Variants in ENOX1 observed in about 807,000 individuals in gnomAD.
The protein encoded by ENOX1 is candidate growth-related and time keeping constitutive hydroquinone (NADH) oxidase.
ENOX1 carries 42 observed loss-of-function variants against 82.5 expected under a neutral mutation model. That is an observed-to-expected ratio of 0.51 (90% CI 0.40 to 0.66). The LOEUF is 0.66. Ranked by LOEUF, ENOX1 falls within the 30% of genes least tolerant of loss-of-function variation. The pLI is 0.00. For synonymous variants in ENOX1, 271 were observed against 282.2 expected, an observed-to-expected ratio of 0.96 and a Z score of 0.40; for missense variants, 608 against 811.6, an observed-to-expected ratio of 0.75 and a Z score of 3.05.
At chr13:43,468,260 C>T (rs748584749) in intron 3 of ENOX1, among the ~76,000 whole-genome samples, 2 of 151,528 alleles carry the variant, frequency 1.3e-5, no homozygotes, top group African/African-American at 4.9e-5. Flanking sequence ...CGGCTCACTG[C>T]AACCTCCGCC....
intron 1 of ENOX1, among the ~76,000 whole-genome samples, chr13:43,767,128 C>A (rs984673718): frequency 6.6e-6 from 1 of 152,098 alleles, no homozygotes; most frequent in African/African-American, 2.4e-5. Context: ...GGAATGAGAA[C>A]CTTGGAGATT....
chr13:43,388,595 A>G (rs991956428), intron 5 of ENOX1, among the ~76,000 whole-genome samples: 1 of 152,182 alleles, frequency 6.6e-6, no homozygotes, highest in South Asian at 2.1e-4. Context: ...GAGTGTATCC[A>G]TTTCACAAAA....
At chr13:43,335,176 A>G (rs2153537260) in intron 9 of ENOX1, among the ~76,000 whole-genome samples, 1 of 152,346 alleles carries the variant, frequency 6.6e-6, no homozygotes, top group East Asian at 1.9e-4. Context: ...ACCTTGCTAT[A>G]GAAGGTGTCT....
intron 3 of ENOX1, among the ~76,000 whole-genome samples, chr13:43,461,680 A>G (rs1471294565): frequency 6.6e-6 from 1 of 152,186 alleles, no homozygotes; most frequent in Non-Finnish European, 1.5e-5. Context: ...ACTGGGTGGA[A>G]TTTTAATTAG....
intron 2 of ENOX1, among the ~76,000 whole-genome samples, chr13:43,594,362 T>A (rs958302379): frequency 1.3e-5 from 2 of 152,214 alleles, no homozygotes; most frequent in Non-Finnish European, 2.9e-5. Flanking sequence ...TTCCTCAAAA[T>A]AGTATCTTCA....
intron 9 of ENOX1, among the ~76,000 whole-genome samples, chr13:43,334,726 A>G (rs1168517898): frequency 6.6e-6 from 1 of 152,206 alleles, no homozygotes; most frequent in Non-Finnish European, 1.5e-5. Flanking sequence ...GTGTCTGGAA[A>G]AAAAGTCCCT....
chr13:43,518,677 TA>T lies in ENOX1; in HGVS notation c.-218-34526del, dbSNP rs200301244. On this transcript the variant is annotated intron_variant, in intron 2 of 16. Coordinates refer to ENST00000690772, the MANE Select transcript of ENOX1 (RefSeq NM_001347969.2). ...AATCTTAAACTCCATTTAACCATTGTAAAAAAAAATACATTTCTAAGTCTTC... is the reference window on the plus strand; with the variant it reads ...AATCTTAAACTCCATTTAACCATTGTAAAAAAAATACATTTCTAAGTCTTC... 1.3e-3 allele frequency among the ~76,000 whole-genome samples: 203 copies of T among 151,296 alleles called. 1 individual carries two copies. Among genetic ancestry groups the T allele is most frequent in the African/African-American group, 4.6e-3 (191 of 41,316 alleles).
intron 1 of ENOX1, among the ~76,000 whole-genome samples, chr13:43,694,406 G>T (rs935251490): frequency 6.6e-6 from 1 of 152,106 alleles, no homozygotes; most frequent in African/African-American, 2.4e-5. Flanking sequence ...CTCTCCTGCT[G>T]AGTTTATGCT....
intron 2 of ENOX1, among the ~76,000 whole-genome samples, chr13:43,620,243 C>G (rs1450740773): frequency 6.6e-6 from 1 of 151,388 alleles, no homozygotes; most frequent in Non-Finnish European, 1.5e-5. Context: ...GTTTCTATTT[C>G]ATTTAATTCT....
chr13:43,349,292 C>A (rs936583492), intron 8 of ENOX1, among the ~76,000 whole-genome samples: 1 of 152,214 alleles, frequency 6.6e-6, no homozygotes, highest in Non-Finnish European at 1.5e-5. Flanking sequence ...GATAATCCCA[C>A]AGAAGCAAGG....
intron 3 of ENOX1, chr13:43,459,105 A>T (rs2057353760): frequency 6.6e-6 from 1 of 152,220 alleles, no homozygotes; most frequent in African/African-American, 2.4e-5. Flanking sequence ...GCAGCATACA[A>T]ATTTTAGAGT....
chr13:43,278,524 G>C (rs1052531021), intron 12 of ENOX1, among the ~76,000 whole-genome samples: 1 of 152,144 alleles, frequency 6.6e-6, no homozygotes, highest in Non-Finnish European at 1.5e-5. Flanking sequence ...AACATTTTTA[G>C]TTGGCAAGTG....
chr13:43,412,810 C>G lies in ENOX1; in HGVS notation c.70+35G>C, dbSNP rs373392282. On this transcript the variant is annotated intron_variant, in intron 4 of 16. Coordinates refer to ENST00000690772, the MANE Select transcript of ENOX1 (RefSeq NM_001347969.2). ...TTTTCCACTAAGAACTCAAAAAATC[C>G]TTGTTTGTGTCCTGTGCTGGCCACT... The G allele has an allele frequency of 1.8e-5, 29 of 1,609,750 alleles. No individual in the cohort carries two copies. The Admixed American group carries it at 3.0e-4, about 17-fold the overall frequency.
chr13:43,227,314 G>A (rs1593427945), intron 15 of ENOX1, among the ~76,000 whole-genome samples: 1 of 152,264 alleles, frequency 6.6e-6, no homozygotes, highest in East Asian at 1.9e-4. Context: ...GCACCCCAAG[G>A]AGCTGTGCTC....
chr13:43,560,985 T>C (rs1018198444), intron 2 of ENOX1, among the ~76,000 whole-genome samples: 11 of 152,210 alleles, frequency 7.2e-5, no homozygotes, highest in Non-Finnish European at 1.5e-4. Flanking sequence ...TAAAAGACAG[T>C]AATCAAAATT....
At chr13:43,441,969 T>C (rs961917641) in intron 3 of ENOX1, among the ~76,000 whole-genome samples, 3 of 152,086 alleles carry the variant, frequency 2.0e-5, no homozygotes, top group African/African-American at 7.2e-5. Flanking sequence ...TAGAGGCATA[T>C]ATGTGGGTCC....
At chr13:43,295,922 T>C (rs1382449780) in intron 12 of ENOX1, among the ~76,000 whole-genome samples, 2 of 152,170 alleles carry the variant, frequency 1.3e-5, no homozygotes, top group African/African-American at 4.8e-5. Flanking sequence ...ATTAACATCA[T>C]AGCAGCCACC....
At chr13:43,233,551 A>G (rs931045744) in intron 15 of ENOX1, among the ~76,000 whole-genome samples, 1 of 152,168 alleles carries the variant, frequency 6.6e-6, no homozygotes. Flanking sequence ...ACAAATAATT[A>G]TATGTAACTA....
rs1246302204 is a variant in ENOX1, at chr13:43,247,857, ATATATATATATATATATATATATATATT to A, written c.1612-11147_1612-11120del. ...TATATATATATATATATATATATAT[ATATATATATATATATATATATATATATT>A]TTTTTTTTTTTTTTTTTTGAGACGG... On this transcript the variant is annotated intron_variant, in intron 14 of 16. Transcript: ENST00000690772. Among the ~76,000 whole-genome samples the A allele has an allele frequency of 6.0e-3, 10 of 1,656 alleles. 2 individuals are homozygous for A. Among genetic ancestry groups the A allele is most frequent in the Non-Finnish European group, 0.011 (9 of 842 alleles). The allele number at this position is 1,656 out of a possible 152,430, so 1.1% of individuals were successfully genotyped here.
Sources: gnomAD v4.1 joint callset for allele counts (sites outside exome capture counted in the v4.1 genomes callset) on GRCh38, gnomAD v4.1.1 for gene constraint, MANE v1.5 for transcripts, NCBI Gene and HGNC (gene_info 2026-07-23, HGNC 2026-07-21) for gene names.